SKAP2: variants seen among roughly 807,000 people sequenced by gnomAD.
SKAP2 encodes src kinase associated phosphoprotein 2.
SKAP2 carries 28 observed loss-of-function variants against 54.9 expected under a neutral mutation model. The observed-to-expected ratio is 0.51, with a 90% confidence interval of 0.38 to 0.70. The LOEUF (loss-of-function observed/expected upper bound fraction) is 0.70, where lower values mean the gene tolerates loss of function less well. Ranked by LOEUF, SKAP2 falls within the 30% of genes least tolerant of loss-of-function variation. The pLI is 0.00. For missense variants in SKAP2, 356 were observed against 424.1 expected (o/e 0.84, Z 1.41); for synonymous variants, 137 against 134.3 (o/e 1.02, Z -0.14).
intron 4 of SKAP2, among the ~76,000 whole-genome samples, chr7:26,838,430 G>A (rs762150370): frequency 1.3e-5 from 2 of 152,084 alleles, no homozygotes; most frequent in South Asian, 2.1e-4. Context: ...TCTAGGGAAC[G>A]TCTAAGCAAT....
intron 11 of SKAP2, among the ~76,000 whole-genome samples, chr7:26,678,226 CT>C (rs1786399528): frequency 1.3e-5 from 2 of 152,048 alleles, no homozygotes; most frequent in African/African-American, 4.8e-5. Context: ...TCAATAAACA[CT>C]TTTTCATTCC....
intron 9 of SKAP2, among the ~76,000 whole-genome samples, chr7:26,715,258 CT>C (rs1457479627): frequency 6.6e-6 from 1 of 151,870 alleles, no homozygotes; most frequent in African/African-American, 2.4e-5. Context: ...ATGTATGTGA[CT>C]CTAAAAGTTT....
rs1787696288 is a variant in SKAP2 at position 26,725,863 on chromosome 7, A to C, written c.658+60T>G. 4 of 1,384,222 alleles carry C rather than the reference A, an allele frequency of 2.9e-6. No individual in the cohort carries two copies. In the Admixed American group the frequency reaches 7.0e-5, roughly 24 times the overall value. The allele number at this position is 1,384,222 out of a possible 1,614,324, so 85.7% of individuals were successfully genotyped here. On this transcript the variant is annotated intron_variant, in intron 8 of 12. Transcript: ENST00000345317. Reference sequence around the variant, plus strand: ...ATAAGCTTTTGTATATGAAAACCCAAACTACTCTGTTATTTAGTATTTAAA... The same window carrying C: ...ATAAGCTTTTGTATATGAAAACCCACACTACTCTGTTATTTAGTATTTAAA...
intron 3 of SKAP2, among the ~76,000 whole-genome samples, chr7:26,846,640 A>G (rs1362471249): frequency 2.6e-5 from 4 of 152,172 alleles, no homozygotes; most frequent in Non-Finnish European, 5.9e-5. Context: ...GGTTTTTATG[A>G]AAGTCATGGT....
intron 6 of SKAP2, among the ~76,000 whole-genome samples, chr7:26,734,258 T>C (rs895900847): frequency 2.6e-5 from 4 of 152,148 alleles, no homozygotes; most frequent in Non-Finnish European, 5.9e-5. Flanking sequence ...TTCTCCATCA[T>C]CCTATTACAA....
intron 4 of SKAP2, among the ~76,000 whole-genome samples, chr7:26,765,110 T>C (rs1250953723): frequency 2.0e-5 from 3 of 152,014 alleles, no homozygotes; most frequent in Admixed American, 6.6e-5. Flanking sequence ...TATAAAAGCG[T>C]TCCTATTTCT....
rs1786118767 is a variant in SKAP2 at position 26,667,166 on chromosome 7, AAAT to A, written c.*2497_*2499del. ...ATAGAGTACAAATTCAGTACAGAGC[AAAT>A]AATCAAGCAAAATGCTATATAAAAT... On this transcript the variant is annotated 3_prime_UTR_variant, in exon 13 of 13. Coordinates refer to ENST00000345317, the MANE Select transcript of SKAP2 (RefSeq NM_003930.5). The A allele has an allele frequency of 6.6e-6, 1 of 152,180 alleles. No individual in the cohort carries two copies. Among genetic ancestry groups the A allele is most frequent in the African/African-American group, 2.4e-5 (1 of 41,436 alleles). 9.4% of individuals were successfully genotyped at this position (152,180 alleles called of 1,614,324 possible).
intron 4 of SKAP2, among the ~76,000 whole-genome samples, chr7:26,755,937 ATTAAAATGCTGTTACATGATGGTG>A (rs1357225205): frequency 2.6e-5 from 4 of 152,198 alleles, no homozygotes; most frequent in African/African-American, 9.7e-5. Context: ...TACCCTACAA[ATTAAAATGCTGTTACATGATGGTG>A]TATAAGCCAG....
intron 10 of SKAP2, among the ~76,000 whole-genome samples, chr7:26,687,064 T>C (rs921525336): frequency 2.0e-5 from 3 of 151,798 alleles, no homozygotes; most frequent in African/African-American, 7.3e-5. Flanking sequence ...TTTTATTCAA[T>C]AGATTCTCAA....
At chr7:26,661,014 T>G in the SKAP2 span, among the ~76,000 whole-genome samples, 2 of 152,104 alleles carry the variant, frequency 1.3e-5, no homozygotes, top group Admixed American at 1.3e-4. Flanking sequence ...TAATCTTAAA[T>G]AAACTCAAAC....
At chr7:26,790,602 T>C (rs905485920) in intron 4 of SKAP2, among the ~76,000 whole-genome samples, 10 of 152,244 alleles carry the variant, frequency 6.6e-5, no homozygotes, top group African/African-American at 2.4e-4. Context: ...AGTAAGAACA[T>C]TCATATGTTG....
At chr7:26,823,391 A>T (rs1478350658) in intron 4 of SKAP2, among the ~76,000 whole-genome samples, 1 of 138,360 alleles carries the variant, frequency 7.2e-6, no homozygotes, top group African/African-American at 2.7e-5. Context: ...ATGCCACTGC[A>T]CTCCAGCCTC....
chr7:26,738,823 C>T lies in SKAP2; in HGVS notation c.441G>A (p.Thr147=), dbSNP rs769015109. 3.7e-6 allele frequency: 6 copies of T among 1,602,218 alleles called. No individual in the cohort carries two copies. The East Asian group carries it at 6.7e-5, about 18-fold the overall frequency. Residue 147 remains threonine (T), a synonymous_variant, in exon 6 of 13, where the codon ACG becomes ACA. Transcript: ENST00000345317. Reference sequence around the variant, plus strand: ...TATCACTTCCATAATAATAGAATACCGTTTTACTGAGAGCACACCACCGTT... The same window carrying T: ...TATCACTTCCATAATAATAGAATACTGTTTTACTGAGAGCACACCACCGTT... ...WQKRWCALSK[T]VFYYYGSDKD...
chr7:26,719,166 C>T (rs1047050291), intron 9 of SKAP2, among the ~76,000 whole-genome samples: 2 of 151,906 alleles, frequency 1.3e-5, no homozygotes, highest in South Asian at 2.1e-4. Context: ...CAGAGCAAGA[C>T]CCTATCTTTA....
At chr7:26,789,873 G>A (rs1050715927) in intron 4 of SKAP2, among the ~76,000 whole-genome samples, 1 of 152,294 alleles carries the variant, frequency 6.6e-6, no homozygotes, top group Non-Finnish European at 1.5e-5. Flanking sequence ...AGGGGAATAA[G>A]TATATGGTTG....
chr7:26,804,457 C>T (rs764436749), intron 4 of SKAP2, among the ~76,000 whole-genome samples: 8 of 151,920 alleles, frequency 5.3e-5, no homozygotes, highest in African/African-American at 1.7e-4. Flanking sequence ...AAGAATGTGC[C>T]GGGCCGGGCC....
At chr7:26,819,769 G>A (rs895139681) in intron 4 of SKAP2, among the ~76,000 whole-genome samples, 2 of 152,084 alleles carry the variant, frequency 1.3e-5, no homozygotes, top group African/African-American at 4.8e-5. Context: ...TGTGATAAGA[G>A]TATTAAGGTT....
At chr7:26,801,057 A>G (rs1043092676) in intron 4 of SKAP2, among the ~76,000 whole-genome samples, 11 of 152,140 alleles carry the variant, frequency 7.2e-5, no homozygotes, top group East Asian at 3.9e-4. Flanking sequence ...AAGAAAGAAA[A>G]AAAAATATAG....
intron 9 of SKAP2, among the ~76,000 whole-genome samples, chr7:26,713,757 G>A (rs989364066): frequency 6.6e-6 from 1 of 151,948 alleles, no homozygotes; most frequent in Non-Finnish European, 1.5e-5. Context: ...CCGCCACCAC[G>A]CCCAGCTCAT....
Sources: allele counts gnomAD v4.1 joint callset (sites outside exome capture counted in the v4.1 genomes callset), GRCh38; gene constraint gnomAD v4.1.1; transcripts MANE v1.5; gene names NCBI Gene and HGNC (gene_info 2026-07-23, HGNC 2026-07-21).